NEK9: variants seen among roughly 807,000 people sequenced by gnomAD.
The protein encoded by NEK9 is NIMA related kinase 9.
NEK9 carries 75 observed loss-of-function variants against 123.4 expected under a neutral mutation model. That is an observed-to-expected ratio of 0.61 (90% CI 0.50 to 0.74). The LOEUF (loss-of-function observed/expected upper bound fraction) is 0.74, where lower values mean the gene tolerates loss of function less well. Among genes scored for constraint, NEK9 ranks in the 30% least tolerant of loss-of-function variants. The probability of loss-of-function intolerance (pLI) is 0.00; values close to 1 mark genes in which losing one functional copy is unlikely to be tolerated. For synonymous variants in NEK9, 438 were observed against 458.7 expected, an observed-to-expected ratio of 0.95 and a Z score of 0.58; for missense variants, 952 against 1,214.4, an observed-to-expected ratio of 0.78 and a Z score of 3.21.
At position 75,088,491 on chromosome 14, in the gene NEK9, C is replaced by T; in HGVS notation, c.2593G>A (p.Val865Ile). 6.2e-7 allele frequency: 1 copy of T among 1,613,806 alleles called. No homozygotes were observed. The highest frequency in any genetic ancestry group is 8.5e-7 in the Non-Finnish European group (1 of 1,179,898). ...AAAAGCTCAGTTACCGAGGCTTCTA[C>T]TTGGGGTTTGTGTTCCAAAGGAGCT... is the stretch of plus-strand genomic sequence containing the variant. ...SEAPLEHKPQ[V>I]EASSPRLNPA... Residue 865 changes from valine to isoleucine, a missense_variant, in exon 20 of 22, where the codon GTA (valine) becomes ATA (isoleucine). Physicochemically the swap from Val to Ile is conservative, Grantham distance 29. Around this residue, in one of 4 missense-constraint regions of NEK9, gnomAD observed 698 missense variants for 875.6 expected, o/e 0.80. Coordinates refer to ENST00000238616, the MANE Select transcript of NEK9 (RefSeq NM_033116.6).
In NEK9 at chr14:75,104,016, A is replaced by G. The variant is rs1164593195; in HGVS notation, c.1576-19T>C. 3 of 1,598,620 alleles carry G rather than the reference A, an allele frequency of 1.9e-6. No homozygotes were observed. The highest frequency in any genetic ancestry group is 2.6e-6 in the Non-Finnish European group (3 of 1,174,572). ...CATCCACCTGCAAGAAAAAAATCAGAAAAAGAAATCCCAAATATATAATTC... is the reference window on the plus strand; with the variant it reads ...CATCCACCTGCAAGAAAAAAATCAGGAAAAGAAATCCCAAATATATAATTC... On this transcript the variant is annotated intron_variant, in intron 13 of 21. Coordinates refer to ENST00000238616, the MANE Select transcript of NEK9 (RefSeq NM_033116.6).
chr14:75,117,167 G>A lies in NEK9; in HGVS notation c.762+28C>T, dbSNP rs767374574. The A allele has an allele frequency of 1.9e-6, 3 of 1,606,048 alleles. No individual in the cohort carries two copies. The Admixed American group carries it at 5.1e-5, about 27-fold the overall frequency. On this transcript the variant is annotated intron_variant, in intron 6 of 21. Coordinates refer to ENST00000238616, the MANE Select transcript of NEK9 (RefSeq NM_033116.6). ...CTGTACCATTTGCAACCTGCTAAAT[G>A]CAATATGGGGATAATATGCCAACTT...
intron 1 of NEK9, among the ~76,000 whole-genome samples, chr14:75,126,484 G>T (rs1384949796): frequency 7.2e-5 from 11 of 152,170 alleles, no homozygotes; most frequent in African/African-American, 2.7e-4. Context: ...CTCAAGAGAC[G>T]GTTAGGTGAC....
At chr14:75,103,793 C>T in intron 14 of NEK9, 49 bp downstream of exon 14, 1 of 1,551,446 alleles carries the variant, frequency 6.4e-7, no homozygotes, top group Non-Finnish European at 8.7e-7. Flanking sequence ...GAAATTCCAA[C>T]CTAGAGAAAT....
At chr14:75,103,280 C>T (rs969310951) in intron 14 of NEK9, among the ~76,000 whole-genome samples, 3 of 151,212 alleles carry the variant, frequency 2.0e-5, no homozygotes, top group Non-Finnish European at 4.4e-5. Flanking sequence ...ATTCGATAAG[C>T]CTAAACAGGA....
Position 75,103,937 on chromosome 14 carries a change from G to A in NEK9, c.1636C>T (p.Leu546=). ...AGCACTTTGCCTGACTGGGTCAACAGAAATGTCCCATCACAGCCACATTGA... is the reference window on the plus strand; with the variant it reads ...AGCACTTTGCCTGACTGGGTCAACAAAAATGTCCCATCACAGCCACATTGA... The part of the protein sequence containing the change: ...AVQCGCDGTF[L]LTQSGKVLAC... Residue 546 remains leucine, a synonymous_variant, in exon 14 of 22, where the codon CTG becomes TTG. Transcript: ENST00000238616. 1.2e-6 allele frequency: 2 copies of A among 1,614,060 alleles called. No homozygotes were observed. Among genetic ancestry groups the A allele is most frequent in the South Asian group, 1.1e-5 (1 of 91,080 alleles).
intron 14 of NEK9, 102 bp downstream of exon 14, chr14:75,103,740 A>G: frequency 2.3e-6 from 3 of 1,296,036 alleles, no homozygotes; most frequent in Non-Finnish European, 3.2e-6. Flanking sequence ...GACCATAACT[A>G]AAGTCAAATT....
In NEK9 at chr14:75,082,888, T is replaced by G. The variant is rs1170782627; in HGVS notation, c.*1676A>C. 3 of 398,224 alleles carry G rather than the reference T, an allele frequency of 7.5e-6. No individual in the cohort carries two copies. Among genetic ancestry groups the G allele is most frequent in the Non-Finnish European group, 1.3e-5 (3 of 226,074 alleles). The allele number at this position is 398,224 out of a possible 1,614,324, so 24.7% of individuals were successfully genotyped here. A position where few individuals can be genotyped will look rare whatever the true frequency, so the allele number is the denominator to read the frequency against. ...AGAACTTGCAACTTTAATCAAAGTT[T>G]GGCTGCTTCCCTTATTTCAAGAAAA... On this transcript the variant is annotated 3_prime_UTR_variant, in exon 22 of 22. Transcript: ENST00000238616.
At chr14:75,124,899 T>C (rs1417410144) in intron 1 of NEK9, among the ~76,000 whole-genome samples, 2 of 151,224 alleles carry the variant, frequency 1.3e-5, no homozygotes, top group East Asian at 3.9e-4. Flanking sequence ...GCTTCCCCAG[T>C]AGTTGGGACT....
At chr14:75,101,890 G>A in intron 14 of NEK9, 125 bp from the exon 15 acceptor site, 1 of 624,360 alleles carries the variant, frequency 1.6e-6, no homozygotes, top group East Asian at 2.6e-5. Context: ...ACTAAGAAGA[G>A]GGTGCCAGGT....
In NEK9 at chr14:75,079,398, C is replaced by T. The variant is rs969150598; in HGVS notation, c.*5166G>A. The T allele has an allele frequency of 6.6e-6, 1 of 152,112 alleles. No individual in the cohort carries two copies. Among genetic ancestry groups the T allele is most frequent in the African/African-American group, 2.4e-5 (1 of 41,416 alleles). The allele number at this position is 152,112 out of a possible 1,614,324, so 9.4% of individuals were successfully genotyped here. ...TTGTTCCAAAGGAAAGGAGGTATCACATAATAAAGCTTTATGGTTAGCCCC... is the reference window on the plus strand; with the variant it reads ...TTGTTCCAAAGGAAAGGAGGTATCATATAATAAAGCTTTATGGTTAGCCCC... On this transcript the variant is annotated 3_prime_UTR_variant, in exon 22 of 22. Transcript: ENST00000238616.
intron 4 of NEK9, 56 bp from the exon 5 acceptor site, chr14:75,118,991 C>T: frequency 2.0e-6 from 2 of 975,972 alleles, no homozygotes; most frequent in Admixed American, 3.5e-5. Flanking sequence ...TTTATTTCAT[C>T]CCCCGCCTTG....
intron 18 of NEK9, among the ~76,000 whole-genome samples, chr14:75,094,586 A>G (rs1373394071): frequency 6.6e-6 from 1 of 152,006 alleles, no homozygotes; most frequent in Non-Finnish European, 1.5e-5. Context: ...ACTTGAGGCC[A>G]GGAGTTTGAG....
rs925798856 is a variant in NEK9 at position 75,126,987 on chromosome 14, C to T, written c.-66G>A. The T allele has an allele frequency of 1.5e-6, 2 of 1,323,226 alleles. No individual in the cohort carries two copies. The highest frequency in any genetic ancestry group is 1.6e-5 in the African/African-American group (1 of 64,024). The allele number at this position is 1,323,226 out of a possible 1,614,324, so 82.0% of individuals were successfully genotyped here. ...CGGAGGCCCTGGCCGCGCTGCGTCCCGCTCGCTTCAGATGCCGGCCCGCGG... is the reference window on the plus strand; with the variant it reads ...CGGAGGCCCTGGCCGCGCTGCGTCCTGCTCGCTTCAGATGCCGGCCCGCGG... On this transcript the variant is annotated 5_prime_UTR_variant, in exon 1 of 22. Coordinates refer to ENST00000238616, the MANE Select transcript of NEK9 (RefSeq NM_033116.6).
intron 8 of NEK9, among the ~76,000 whole-genome samples, chr14:75,112,331 T>C (rs1894983989): frequency 6.6e-6 from 1 of 152,238 alleles, no homozygotes; most frequent in South Asian, 2.1e-4. Context: ...CGAAGATAAA[T>C]GTTTTAAATT....
intron 2 of NEK9, among the ~76,000 whole-genome samples, chr14:75,122,961 T>G (rs559171584): frequency 6.6e-6 from 1 of 151,996 alleles, no homozygotes; most frequent in South Asian, 2.1e-4. Context: ...ACCCAGCTAA[T>G]TTTTTGTATT....
intron 6 of NEK9, 125 bp downstream of exon 6, chr14:75,117,070 C>G: frequency 8.9e-7 from 1 of 1,124,600 alleles, no homozygotes; most frequent in Non-Finnish European, 1.3e-6. Flanking sequence ...GATTACTAAT[C>G]TTGTACCTGA....
chr14:75,127,125 C>T (rs570671857), upstream of NEK9: 38 of 517,066 alleles, frequency 7.3e-5, no homozygotes, highest in African/African-American at 6.5e-4. Flanking sequence ...TGCTTACCCT[C>T]TTGGCTAGTC....
In NEK9 at chr14:75,122,694, C is replaced by G. The variant is rs550772881; in HGVS notation, c.397+1352G>C. ...TAATTTTTGTTATTTTTAGTAGAGA[C>G]TGGGTTTAACCATGTTGGCCAGGAT... is the stretch of plus-strand genomic sequence containing the variant. On this transcript the variant is annotated intron_variant, in intron 2 of 21. Transcript: ENST00000238616. Among the ~76,000 whole-genome samples, 3 of 151,278 alleles carry G rather than the reference C, an allele frequency of 2.0e-5. No individual in the cohort carries two copies. In the East Asian group the frequency reaches 5.8e-4, roughly 29 times the overall value.
Sources: allele counts gnomAD v4.1 joint callset (sites outside exome capture counted in the v4.1 genomes callset), GRCh38; gene constraint gnomAD v4.1.1; regional missense constraint gnomAD v4.1.1; transcripts MANE v1.5; gene names NCBI Gene and HGNC (gene_info 2026-07-23, HGNC 2026-07-21).